ABLIM1: variants seen among roughly 807,000 people sequenced by gnomAD.
ABLIM1 encodes the protein actin-binding LIM protein 1.
Under a neutral mutation model 107.0 loss-of-function variants are expected in ABLIM1, and 40 were observed. The observed-to-expected ratio is 0.37, with a 90% CI of 0.29 to 0.49. ABLIM1 has a LOEUF of 0.49. Ranked by LOEUF, ABLIM1 falls within the 20% of genes least tolerant of loss-of-function variation. ABLIM1 has a pLI of 0.97. For missense variants in ABLIM1, 857 were observed against 1,008.5 expected, an observed-to-expected ratio of 0.85 and a Z score of 2.04; for synonymous variants, 357 against 357.3, an observed-to-expected ratio of 1.00 and a Z score of 0.01.
intron 12 of ABLIM1, among the ~76,000 whole-genome samples, chr10:114,458,136 CATATAT>C (rs35858255): frequency 2.6e-4 from 39 of 150,480 alleles, no homozygotes; most frequent in African/African-American, 9.3e-4. Context: ...TACAATAGTA[CATATAT>C]ATATATATAT....
chr10:114,522,121 A>G (rs1182310058), intron 6 of ABLIM1, among the ~76,000 whole-genome samples: 1 of 152,198 alleles, frequency 6.6e-6, no homozygotes, highest in Non-Finnish European at 1.5e-5. Flanking sequence ...GCTGGAATGA[A>G]AGAGGAGGGA....
chr10:114,507,110 A>C (rs1249107991), intron 6 of ABLIM1, among the ~76,000 whole-genome samples: 1 of 152,216 alleles, frequency 6.6e-6, no homozygotes, highest in East Asian at 1.9e-4. Flanking sequence ...TCAGGGTGGG[A>C]ATGAATATTG....
In ABLIM1 at chr10:114,431,286, T is replaced by C. The variant is rs1297361773; in HGVS notation, c.*4974A>G. The C allele has an allele frequency of 6.6e-6, 1 of 152,248 alleles. No individual in the cohort carries two copies. The highest frequency in any genetic ancestry group is 1.5e-5 in the Non-Finnish European group (1 of 68,048). The allele number at this position is 152,248 out of a possible 1,614,324, so 9.4% of individuals were successfully genotyped here. Reference sequence around the variant, plus strand: ...ACCTCCTCCTCTACACACAAGCATGTGGCACTTAGCGCGCCAACACACACC... The same window carrying C: ...ACCTCCTCCTCTACACACAAGCATGCGGCACTTAGCGCGCCAACACACACC... On this transcript the variant is annotated 3_prime_UTR_variant, in exon 23 of 23. Coordinates refer to ENST00000533213, the MANE Select transcript of ABLIM1 (RefSeq NM_002313.7).
intron 4 of ABLIM1, among the ~76,000 whole-genome samples, chr10:114,554,331 T>A (rs1165186083): frequency 6.6e-6 from 1 of 152,022 alleles, no homozygotes. Context: ...CTGAAATGGA[T>A]GGGGGAAGAG....
At chr10:114,437,039 C>T (rs1424071298) in intron 22 of ABLIM1, among the ~76,000 whole-genome samples, 2 of 152,080 alleles carry the variant, frequency 1.3e-5, no homozygotes, top group Admixed American at 6.5e-5. Flanking sequence ...GGTACATGTA[C>T]CCAGATAACC....
At chr10:114,615,979 C>T (rs1334105036) in intron 1 of ABLIM1, among the ~76,000 whole-genome samples, 3 of 152,146 alleles carry the variant, frequency 2.0e-5, no homozygotes, top group Non-Finnish European at 4.4e-5. Flanking sequence ...AGCTAAGTGG[C>T]ATGTCCCCAG....
intron 1 of ABLIM1, among the ~76,000 whole-genome samples, chr10:114,613,269 G>T (rs989575452): frequency 6.6e-6 from 1 of 152,172 alleles, no homozygotes; most frequent in African/African-American, 2.4e-5. Context: ...TCTTGAGGGG[G>T]TTTCTGGGGA....
At chr10:114,611,265 G>A (rs921596735) in intron 1 of ABLIM1, among the ~76,000 whole-genome samples, 5 of 152,102 alleles carry the variant, frequency 3.3e-5, no homozygotes, top group African/African-American at 9.7e-5. Flanking sequence ...TCGGGAGTCC[G>A]AGAACAGCCT....
chr10:114,603,790 C>A (rs1410416308), intron 1 of ABLIM1, among the ~76,000 whole-genome samples: 1 of 151,892 alleles, frequency 6.6e-6, no homozygotes, highest in African/African-American at 2.4e-5. Context: ...CCCGTCTCTA[C>A]TAAAAATACA....
chr10:114,701,642 T>C (rs1409068876), intron 1 of ABLIM1, among the ~76,000 whole-genome samples: 2 of 152,132 alleles, frequency 1.3e-5, no homozygotes, highest in South Asian at 2.1e-4. Flanking sequence ...GACCTTACAC[T>C]GAGTGGAAAA....
At chr10:114,673,189 T>G (rs1256171049) in intron 1 of ABLIM1, among the ~76,000 whole-genome samples, 1 of 142,940 alleles carries the variant, frequency 7.0e-6, no homozygotes, top group Non-Finnish European at 1.5e-5. Flanking sequence ...ACCTGGGAGG[T>G]GGAGGTTGCA....
At chr10:114,737,539 C>T (rs1463411464) in intron 1 of ABLIM1, among the ~76,000 whole-genome samples, 2 of 152,114 alleles carry the variant, frequency 1.3e-5, no homozygotes, top group Non-Finnish European at 2.9e-5. Flanking sequence ...TGTAAATGGG[C>T]CTGCTCATGT....
intron 6 of ABLIM1, among the ~76,000 whole-genome samples, chr10:114,500,771 G>GGGAAGGGAAA (rs1555109092): frequency 0.024 from 3,543 of 145,394 alleles, 257 homozygotes; most frequent in African/African-American, 0.087. Context: ...GGGAAGGGAA[G>GGGAAGGGAAA]GGAAGGGAAG....
rs981607510 is a variant in ABLIM1, at chr10:114,514,414, C to A, written c.895-22536G>T. Among the ~76,000 whole-genome samples the A allele has an allele frequency of 2.0e-5, 3 of 152,134 alleles. No individual in the cohort carries two copies. The East Asian group carries it at 5.8e-4, about 29-fold the overall frequency. ...TGTGAGACAGGGTCTCACTATGTTG[C>A]CCAGGCTGGAATGCAGTGGCGTGAT... On this transcript the variant is annotated intron_variant, in intron 6 of 22. Coordinates refer to ENST00000533213, the MANE Select transcript of ABLIM1 (RefSeq NM_002313.7).
intron 6 of ABLIM1, among the ~76,000 whole-genome samples, chr10:114,501,292 G>A (rs907397983): frequency 2.0e-5 from 3 of 152,172 alleles, no homozygotes; most frequent in Non-Finnish European, 4.4e-5. Context: ...GCTATGATCT[G>A]AATCCAGGTC....
At chr10:114,521,039 G>A (rs745420791) in intron 6 of ABLIM1, among the ~76,000 whole-genome samples, 5 of 152,124 alleles carry the variant, frequency 3.3e-5, no homozygotes, top group Non-Finnish European at 7.4e-5. Flanking sequence ...AGATGTCACT[G>A]GATTATGAAC....
intron 2 of ABLIM1, among the ~76,000 whole-genome samples, chr10:114,576,740 C>T (rs1218638507): frequency 2.0e-5 from 3 of 152,220 alleles, no homozygotes; most frequent in Non-Finnish European, 4.4e-5. Context: ...CCAAAACCCA[C>T]AAACAAACTT....
intron 1 of ABLIM1, among the ~76,000 whole-genome samples, chr10:114,657,504 C>T (rs1480111629): frequency 6.6e-6 from 1 of 152,090 alleles, no homozygotes; most frequent in Admixed American, 6.5e-5. Context: ...TATTTTATTT[C>T]TTTTTTAGAA....
chr10:114,734,554 C>T (rs1364189465), intron 1 of ABLIM1, among the ~76,000 whole-genome samples: 1 of 152,190 alleles, frequency 6.6e-6, no homozygotes, highest in Non-Finnish European at 1.5e-5. Context: ...AGGCCCACCT[C>T]ACCCTCTGTT....
Sources: allele counts gnomAD v4.1 joint callset (sites outside exome capture counted in the v4.1 genomes callset), GRCh38; gene constraint gnomAD v4.1.1; transcripts MANE v1.5; gene names NCBI Gene and HGNC (gene_info 2026-07-23, HGNC 2026-07-21).